PTPRD: variants seen among roughly 807,000 people sequenced by gnomAD.
The protein encoded by PTPRD is receptor-type tyrosine-protein phosphatase delta.
PTPRD carries 34 observed loss-of-function variants against 214.5 expected under a neutral mutation model. The ratio of observed to expected loss-of-function variants is 0.16; its 90% CI spans 0.12 to 0.21. The LOEUF is 0.21. Ranked by LOEUF, PTPRD falls within the 10% of genes least tolerant of loss-of-function variation. The probability of loss-of-function intolerance (pLI) is 1.00; values close to 1 mark genes in which losing one functional copy is unlikely to be tolerated. For synonymous variants in PTPRD, 1,128 were observed against 845.7 expected (o/e 1.33, Z -5.79); for missense variants, 2,545 against 2,398.7 (o/e 1.06, Z -1.27).
intron 14 of PTPRD, among the ~76,000 whole-genome samples, chr9:8,603,227 C>G (rs1228300620): frequency 1.3e-5 from 2 of 151,860 alleles, no homozygotes; most frequent in Non-Finnish European, 2.9e-5. Context: ...TAAAATCATT[C>G]ATTACTCTTT....
At chr9:9,544,882 C>T (rs919378103) in intron 8 of PTPRD, among the ~76,000 whole-genome samples, 28 of 148,234 alleles carry the variant, frequency 1.9e-4, no homozygotes, top group African/African-American at 6.3e-4. Context: ...AAATTCTAGC[C>T]GATAGCCCAC....
intron 9 of PTPRD, among the ~76,000 whole-genome samples, chr9:9,268,502 T>C (rs1279971857): frequency 6.6e-6 from 1 of 151,002 alleles, no homozygotes. Context: ...TCCACAGAAA[T>C]AGAGAAAGGA....
intron 4 of PTPRD, among the ~76,000 whole-genome samples, chr9:9,954,474 A>C (rs962469172): frequency 5.9e-5 from 9 of 151,958 alleles, no homozygotes; most frequent in African/African-American, 2.2e-4. Context: ...ACTTCTTGTA[A>C]GAGAACTATT....
At chr9:10,059,475 C>A (rs1268234188) in intron 3 of PTPRD, among the ~76,000 whole-genome samples, 1 of 152,056 alleles carries the variant, frequency 6.6e-6, no homozygotes, top group Non-Finnish European at 1.5e-5. Flanking sequence ...GGGTAAATCA[C>A]TTAGGGTGTA....
intron 3 of PTPRD, among the ~76,000 whole-genome samples, chr9:10,183,158 TA>T (rs567057608): frequency 6.5e-4 from 99 of 152,288 alleles, no homozygotes; most frequent in African/African-American, 2.2e-3. Flanking sequence ...TTCAATTTTT[TA>T]AAGGAAGTGT....
At chr9:8,995,824 T>A (rs1228962467) in intron 11 of PTPRD, among the ~76,000 whole-genome samples, 4 of 151,504 alleles carry the variant, frequency 2.6e-5, no homozygotes, top group African/African-American at 4.9e-5. Context: ...TATAAAAGTC[T>A]ATTTCCATGA....
At chr9:9,234,260 G>C in intron 9 of PTPRD, among the ~76,000 whole-genome samples, 1 of 152,216 alleles carries the variant, frequency 6.6e-6, no homozygotes, top group East Asian at 1.9e-4. Flanking sequence ...CATGTCCCAT[G>C]CTATACCTTG....
At chr9:9,249,500 C>A (rs1358447239) in intron 9 of PTPRD, among the ~76,000 whole-genome samples, 4 of 152,060 alleles carry the variant, frequency 2.6e-5, no homozygotes, top group Non-Finnish European at 5.9e-5. Context: ...TTGACCAAAT[C>A]AGAATGTCTG....
At chr9:9,821,779 A>T (rs530885863) in intron 5 of PTPRD, among the ~76,000 whole-genome samples, 97 of 151,982 alleles carry the variant, frequency 6.4e-4, no homozygotes, top group African/African-American at 2.3e-3. Context: ...TACCACATAG[A>T]TAATAAGCAG....
chr9:9,594,504 T>A (rs2093083631), intron 7 of PTPRD, among the ~76,000 whole-genome samples: 1 of 152,080 alleles, frequency 6.6e-6, no homozygotes, highest in Non-Finnish European at 1.5e-5. Flanking sequence ...TTGCCAATTA[T>A]CCCAGCACCA....
At chr9:8,973,798 T>A (rs1419716060) in intron 11 of PTPRD, among the ~76,000 whole-genome samples, 1 of 152,092 alleles carries the variant, frequency 6.6e-6, no homozygotes, top group African/African-American at 2.4e-5. Context: ...TTTTGATTTG[T>A]ATTTCTCTGA....
chr9:8,596,014 C>T (rs1177028408), intron 14 of PTPRD, among the ~76,000 whole-genome samples: 2 of 152,078 alleles, frequency 1.3e-5, no homozygotes, highest in Non-Finnish European at 2.9e-5. Flanking sequence ...CAAGGATTTT[C>T]TTAAAAGCTT....
rs547930941 is a variant in PTPRD, at chr9:9,635,003, G to C, written c.-286-60222C>G. Among the ~76,000 whole-genome samples, 4 of 152,198 alleles carry C rather than the reference G, an allele frequency of 2.6e-5. No individual in the cohort carries two copies. The East Asian group carries it at 7.7e-4, about 29-fold the overall frequency. The stretch of plus-strand genomic sequence containing the variant: ...TATGTGAAACACAAATGAAAGGATG[G>C]ATTAGATGTTCAACAATATATTGAG... On this transcript the variant is annotated intron_variant, in intron 7 of 45. Transcript: ENST00000381196.
At chr9:9,322,456 A>T (rs938174811) in intron 9 of PTPRD, among the ~76,000 whole-genome samples, 4 of 152,202 alleles carry the variant, frequency 2.6e-5, no homozygotes, top group African/African-American at 9.7e-5. Context: ...TAGTGGCAAG[A>T]TGTGGAGTTT....
chr9:9,711,222 A>G (rs1156311635), intron 7 of PTPRD, among the ~76,000 whole-genome samples: 2 of 152,172 alleles, frequency 1.3e-5, no homozygotes, highest in African/African-American at 4.8e-5. Flanking sequence ...AATCTTTAAA[A>G]AATGCAGTGA....
At chr9:8,552,818 A>G (rs1199966384) in intron 14 of PTPRD, among the ~76,000 whole-genome samples, 1 of 152,220 alleles carries the variant, frequency 6.6e-6, no homozygotes, top group Non-Finnish European at 1.5e-5. Flanking sequence ...GGGCATTAGT[A>G]AATGTGTCAC....
At chr9:9,436,804 C>T (rs2085432359) in intron 8 of PTPRD, among the ~76,000 whole-genome samples, 1 of 151,890 alleles carries the variant, frequency 6.6e-6, no homozygotes, top group Non-Finnish European at 1.5e-5. Context: ...ATCTGTACCG[C>T]AGAATTTTCC....
intron 2 of PTPRD, among the ~76,000 whole-genome samples, chr9:10,555,242 T>C (rs1009797274): frequency 2.0e-5 from 3 of 152,194 alleles, no homozygotes. Flanking sequence ...CCAAGCCTTA[T>C]ATATTTGTCA....
chr9:9,273,426 C>T (rs936112132), intron 9 of PTPRD, among the ~76,000 whole-genome samples: 1 of 151,148 alleles, frequency 6.6e-6, no homozygotes. Context: ...TGTATATATA[C>T]ATACATATAG....
Sources: gnomAD v4.1 joint callset for allele counts (sites outside exome capture counted in the v4.1 genomes callset) on GRCh38, gnomAD v4.1.1 for gene constraint, MANE v1.5 for transcripts, NCBI Gene and HGNC (gene_info 2026-07-23, HGNC 2026-07-21) for gene names.